Variants in CTNND2 observed in about 807,000 individuals in gnomAD.
The protein encoded by CTNND2 is catenin delta-2.
A neutral mutation model predicts 144.4 loss-of-function variants in CTNND2; 22 were observed. That is an observed-to-expected ratio of 0.15 (90% confidence interval 0.11 to 0.22). CTNND2 has a LOEUF of 0.22. CTNND2 is among the 10% of genes least tolerant of loss of function. CTNND2 has a pLI of 1.00. For synonymous variants in CTNND2, 751 were observed against 695.6 expected, an observed-to-expected ratio of 1.08 and a Z score of -1.25; for missense variants, 1,353 against 1,618.8, an observed-to-expected ratio of 0.84 and a Z score of 2.82.
At chr5:11,144,589 T>TG (rs1009184957) in intron 12 of CTNND2, among the ~76,000 whole-genome samples, 2 of 152,128 alleles carry the variant, frequency 1.3e-5, no homozygotes, top group Non-Finnish European at 2.9e-5. Context: ...GTCAAGGCCT[T>TG]GGGGGTCTAC....
chr5:11,047,626 C>G (rs998756202), intron 16 of CTNND2, among the ~76,000 whole-genome samples: 3 of 152,176 alleles, frequency 2.0e-5, no homozygotes, highest in Admixed American at 6.5e-5. Flanking sequence ...CCATTGCTTG[C>G]TGCTCTGGTA....
chr5:11,726,289 A>T (rs1787013772), intron 2 of CTNND2, among the ~76,000 whole-genome samples: 1 of 152,278 alleles, frequency 6.6e-6, no homozygotes, highest in South Asian at 2.1e-4. Context: ...CATTAGAAAC[A>T]TGTTTGAAAT....
At chr5:11,078,431 A>C (rs1439918479) in intron 16 of CTNND2, among the ~76,000 whole-genome samples, 2 of 152,240 alleles carry the variant, frequency 1.3e-5, no homozygotes, top group Non-Finnish European at 2.9e-5. Context: ...TCTACTTTCA[A>C]ATGACTGGCT....
intron 12 of CTNND2, among the ~76,000 whole-genome samples, chr5:11,120,232 G>T (rs1394657832): frequency 6.6e-5 from 10 of 152,208 alleles, no homozygotes; most frequent in African/African-American, 1.7e-4. Flanking sequence ...CTATGATATA[G>T]ACTTCAAGAG....
intron 10 of CTNND2, among the ~76,000 whole-genome samples, chr5:11,230,865 C>A (rs1325815355): frequency 6.6e-6 from 1 of 152,176 alleles, no homozygotes; most frequent in African/African-American, 2.4e-5. Context: ...CAGTGGAATT[C>A]AAACTCTGCC....
chr5:11,027,047 A>C (rs976506261), intron 16 of CTNND2, among the ~76,000 whole-genome samples: 2 of 152,236 alleles, frequency 1.3e-5, no homozygotes, highest in African/African-American at 2.4e-5. Flanking sequence ...ATCACGTACC[A>C]AAATCCCGTC....
chr5:11,714,801 CG>C (rs1561723107), intron 2 of CTNND2, among the ~76,000 whole-genome samples: 1 of 151,168 alleles, frequency 6.6e-6, no homozygotes, highest in Non-Finnish European at 1.5e-5. Context: ...CCCAGCTACT[CG>C]GGAGGCTGAA....
At position 11,131,686 on chromosome 5, in the gene CTNND2, G is replaced by T. The variant is rs1297846634; in HGVS notation, c.2160-14119C>A. 3.9e-5 allele frequency among the ~76,000 whole-genome samples: 6 copies of T among 152,282 alleles called. No individual in the cohort carries two copies. The East Asian group carries it at 1.2e-3, about 29-fold the overall frequency. ...CGCCTGTAGTCCCAGCTACTCGGGAGGCTGAGGCAGGAGAATGGCATGAAC... is the reference window on the plus strand; with the variant it reads ...CGCCTGTAGTCCCAGCTACTCGGGATGCTGAGGCAGGAGAATGGCATGAAC... On this transcript the variant is annotated intron_variant, in intron 12 of 21. Transcript: ENST00000304623.
intron 9 of CTNND2, among the ~76,000 whole-genome samples, chr5:11,239,369 T>G (rs1314568090): frequency 6.6e-6 from 1 of 152,164 alleles, no homozygotes; most frequent in African/African-American, 2.4e-5. Flanking sequence ...TCCCTCACAC[T>G]AGGTCAAAAG....
intron 3 of CTNND2, among the ~76,000 whole-genome samples, chr5:11,485,442 T>G (rs1459796972): frequency 6.6e-6 from 1 of 152,150 alleles, no homozygotes; most frequent in East Asian, 1.9e-4. Context: ...ATTCTTTTTC[T>G]ACTTGAAAAT....
intron 3 of CTNND2, among the ~76,000 whole-genome samples, chr5:11,544,251 T>C (rs1200854624): frequency 1.3e-5 from 2 of 151,774 alleles, no homozygotes; most frequent in African/African-American, 4.8e-5. Context: ...CTCCACTCAC[T>C]CCAAGACAGA....
chr5:11,182,106 G>A (rs1033514034), intron 11 of CTNND2, among the ~76,000 whole-genome samples: 1 of 139,002 alleles, frequency 7.2e-6, no homozygotes, highest in Non-Finnish European at 1.6e-5. Flanking sequence ...TGTGGATGGA[G>A]TGTGTGTGTG....
intron 13 of CTNND2, among the ~76,000 whole-genome samples, chr5:11,115,832 G>C (rs1356621910): frequency 6.6e-6 from 1 of 152,146 alleles, no homozygotes; most frequent in Non-Finnish European, 1.5e-5. Flanking sequence ...GGGGAGTAAG[G>C]CTCAGGCATC....
rs569654487 is a variant in CTNND2, at chr5:11,762,021, C to T, written c.38-29749G>A. Among the ~76,000 whole-genome samples, 5 of 152,256 alleles carry T rather than the reference C, an allele frequency of 3.3e-5. No individual in the cohort carries two copies. In the South Asian group the frequency reaches 8.3e-4, roughly 25 times the overall value. On this transcript the variant is annotated intron_variant, in intron 1 of 21. Coordinates refer to ENST00000304623, the MANE Select transcript of CTNND2 (RefSeq NM_001332.4). ...GAGAAAAAATTGTGTTATCCACAGG[C>T]ATAGGCGACTTCTATCATATTTAGT...
chr5:11,548,898 T>A (rs72732985), intron 3 of CTNND2, among the ~76,000 whole-genome samples: 7,281 of 152,336 alleles, frequency 0.048, 284 homozygotes, highest in South Asian at 0.074. Flanking sequence ...TAAATTCTGA[T>A]TAATTTTCTT....
At chr5:11,477,848 G>A (rs1328918602) in intron 3 of CTNND2, among the ~76,000 whole-genome samples, 1 of 152,200 alleles carries the variant, frequency 6.6e-6, no homozygotes, top group Admixed American at 6.5e-5. Context: ...TGGTAAAGAA[G>A]AGAATGTTGT....
intron 2 of CTNND2, among the ~76,000 whole-genome samples, chr5:11,617,539 C>T (rs1036588012): frequency 6.6e-6 from 1 of 152,188 alleles, no homozygotes; most frequent in African/African-American, 2.4e-5. Flanking sequence ...ACTTAACAAA[C>T]ATTTACTGAG....
chr5:11,550,521 T>C (rs550570021), intron 3 of CTNND2, among the ~76,000 whole-genome samples: 1 of 152,186 alleles, frequency 6.6e-6, no homozygotes, highest in Non-Finnish European at 1.5e-5. Flanking sequence ...ATCTTTTCAA[T>C]AAAATCTTGC....
chr5:11,761,913 C>A (rs1198426877), intron 1 of CTNND2, among the ~76,000 whole-genome samples: 1 of 151,936 alleles, frequency 6.6e-6, no homozygotes, highest in African/African-American at 2.4e-5. Flanking sequence ...CTAGATTCTA[C>A]CATAATTAGA....
Sources: allele counts gnomAD v4.1 joint callset (sites outside exome capture counted in the v4.1 genomes callset), GRCh38; gene constraint gnomAD v4.1.1; transcripts MANE v1.5; gene names NCBI Gene and HGNC (gene_info 2026-07-23, HGNC 2026-07-21).